The following GSK3B variants were observed in gnomAD, a reference collection of about 807,000 sequenced individuals.
GSK3B encodes the protein glycogen synthase kinase 3 beta.
Under a neutral mutation model 56.4 loss-of-function variants are expected in GSK3B, and 15 were observed. The ratio of observed to expected loss-of-function variants is 0.27; its 90% CI spans 0.18 to 0.41. GSK3B has a LOEUF of 0.41. GSK3B is among the 10% of genes least tolerant of loss of function. The pLI is 1.00. For missense variants in GSK3B, 300 were observed against 513.4 expected, an observed-to-expected ratio of 0.58 and a Z score of 4.02; for synonymous variants, 181 against 188.9, an observed-to-expected ratio of 0.96 and a Z score of 0.34.
chr3:119,951,427 C>T (rs1421215234), intron 2 of GSK3B, among the ~76,000 whole-genome samples: 4 of 152,060 alleles, frequency 2.6e-5, no homozygotes, highest in African/African-American at 9.7e-5. Flanking sequence ...TAAAATTAGC[C>T]GGGCTTGGTG....
intron 3 of GSK3B, among the ~76,000 whole-genome samples, chr3:119,934,188 A>C (rs1037482824): frequency 1.3e-5 from 2 of 152,350 alleles, no homozygotes; most frequent in Middle Eastern, 6.8e-3. Flanking sequence ...TAAAGTATGG[A>C]AAGAGTGGGG....
chr3:119,874,215 C>T (rs1328421681), intron 8 of GSK3B, among the ~76,000 whole-genome samples: 1 of 151,910 alleles, frequency 6.6e-6, no homozygotes, highest in Admixed American at 6.6e-5. Context: ...TACAGTGTCC[C>T]CTCCCTTTTA....
At chr3:119,860,228 C>A (rs1243043387) in intron 9 of GSK3B, among the ~76,000 whole-genome samples, 2 of 152,092 alleles carry the variant, frequency 1.3e-5, no homozygotes, top group African/African-American at 4.8e-5. Flanking sequence ...AAATACTGAT[C>A]CTTATTGGGC....
chr3:120,075,478 T>C (rs1046669178), intron 1 of GSK3B, among the ~76,000 whole-genome samples: 2 of 152,116 alleles, frequency 1.3e-5, no homozygotes, highest in African/African-American at 4.8e-5. Flanking sequence ...ATCCCATATA[T>C]AGAAAACTCC....
At chr3:119,932,993 G>A (rs1171514164) in intron 3 of GSK3B, among the ~76,000 whole-genome samples, 2 of 152,140 alleles carry the variant, frequency 1.3e-5, no homozygotes, top group East Asian at 3.8e-4. Flanking sequence ...AGCTACCCTG[G>A]AGGCTGAGGC....
intron 7 of GSK3B, among the ~76,000 whole-genome samples, chr3:119,898,415 T>C (rs919314599): frequency 3.3e-5 from 5 of 152,122 alleles, no homozygotes; most frequent in South Asian, 2.1e-4. Context: ...ATTACAATGG[T>C]TGAAACAGAA....
intron 9 of GSK3B, among the ~76,000 whole-genome samples, chr3:119,863,078 T>C (rs929579241): frequency 1.3e-5 from 2 of 152,238 alleles, no homozygotes; most frequent in Admixed American, 6.5e-5. Context: ...CAAGAAATGC[T>C]ACTATTTTGT....
intron 1 of GSK3B, among the ~76,000 whole-genome samples, chr3:120,006,054 T>C (rs1313875576): frequency 2.6e-5 from 4 of 151,910 alleles, no homozygotes; most frequent in East Asian, 3.8e-4. Context: ...AAGACACACA[T>C]AGGCTCAAAA....
intron 2 of GSK3B, among the ~76,000 whole-genome samples, chr3:119,968,201 G>A (rs2057337027): frequency 6.6e-6 from 1 of 151,886 alleles, no homozygotes; most frequent in African/African-American, 2.4e-5. Context: ...TCCCTATGTT[G>A]CCCAGGGTGG....
intron 8 of GSK3B, among the ~76,000 whole-genome samples, chr3:119,874,624 A>T (rs1182713406): frequency 1.3e-5 from 2 of 151,952 alleles, no homozygotes; most frequent in Non-Finnish European, 2.9e-5. Context: ...AAACTCTATA[A>T]GGAGGATAAT....
rs61580328 is a variant in GSK3B, at chr3:120,026,512, T to TACACACACACACAC, written c.89-24287_89-24274dup. 6.2e-3 allele frequency among the ~76,000 whole-genome samples: 808 copies of TACACACACACACAC among 130,464 alleles called. 4 individuals carry two copies. Among genetic ancestry groups the TACACACACACACAC allele is most frequent in the Middle Eastern group, 0.012 (3 of 256 alleles). The allele number at this position is 130,464 out of a possible 152,430, so 85.6% of individuals were successfully genotyped here. A position where few individuals can be genotyped will look rare whatever the true frequency, so the allele number is the denominator to read the frequency against. On this transcript the variant is annotated intron_variant, in intron 1 of 10. Coordinates refer to ENST00000264235, the MANE Select transcript of GSK3B (RefSeq NM_001146156.2). ...AAATAAGCAATGCTATACCGCCAAA[T>TACACACACACACAC]ACACACACACACACACACACACACA...
chr3:120,000,714 A>G (rs558143804), intron 2 of GSK3B, among the ~76,000 whole-genome samples: 1 of 151,940 alleles, frequency 6.6e-6, no homozygotes, highest in South Asian at 2.1e-4. Context: ...GCTTCCATGC[A>G]TAGGCTCCCC....
chr3:120,092,189 G>A (rs1001946863), intron 1 of GSK3B, among the ~76,000 whole-genome samples: 9 of 152,110 alleles, frequency 5.9e-5, no homozygotes, highest in Non-Finnish European at 1.3e-4. Flanking sequence ...CATAAATAGA[G>A]ATACACTGGA....
intron 2 of GSK3B, among the ~76,000 whole-genome samples, chr3:119,979,973 T>C (rs1451670501): frequency 6.6e-6 from 1 of 151,978 alleles, no homozygotes; most frequent in Non-Finnish European, 1.5e-5. Flanking sequence ...ATAATCCAAT[T>C]GGGAAATTAG....
At position 119,876,466 on chromosome 3, in the gene GSK3B, G is replaced by C. The variant is rs771909190; in HGVS notation, c.856C>G (p.Pro286Ala). 1 of 1,610,036 alleles carries C rather than the reference G, an allele frequency of 6.2e-7. No homozygotes were observed. The highest frequency in any genetic ancestry group is 8.5e-7 in the Non-Finnish European group (1 of 1,176,614). Residue 286 changes from proline (P) to alanine (A), a missense_variant, in exon 8 of 11, where the codon CCA becomes GCA. This residue lies in a region of GSK3B where 39 missense variants were observed against 154.6 expected (regional missense o/e 0.25). Coordinates refer to ENST00000264235, the MANE Select transcript of GSK3B (RefSeq NM_001146156.2). Reference protein sequence around the residue: ...PTREQIREMNPNYTEFKFPQI... With the variant: ...PTREQIREMNANYTEFKFPQI... Reference sequence around the variant, plus strand: ...GGGAATTTAAATTCTGTGTAGTTTGGGTTCATTTCTCTGATTTGCTCCCTT... The same window carrying C: ...GGGAATTTAAATTCTGTGTAGTTTGCGTTCATTTCTCTGATTTGCTCCCTT...
intron 1 of GSK3B, among the ~76,000 whole-genome samples, chr3:120,020,085 A>G (rs2057863054): frequency 6.6e-6 from 1 of 152,248 alleles, no homozygotes; most frequent in South Asian, 2.1e-4. Flanking sequence ...AGATATGCCT[A>G]AAATATTACA....
chr3:119,936,337 A>AAT lies in GSK3B; in HGVS notation c.366+10929_366+10930dup, dbSNP rs1010834790. Reference sequence around the variant, plus strand: ...TATAAAAATATAAATATATATAAAAAATATATATATATATATATTTTTTTT... The same window carrying AAT: ...TATAAAAATATAAATATATATAAAAAATATATATATATATATATATTTTTTTT... On this transcript the variant is annotated intron_variant, in intron 3 of 10. Transcript: ENST00000264235. Among the ~76,000 whole-genome samples, 351 of 139,130 alleles carry AAT rather than the reference A, an allele frequency of 2.5e-3. 1 individual carries two copies. The Middle Eastern group carries it at 0.026, about 10-fold the overall frequency. The allele number at this position is 139,130 out of a possible 152,430, so 91.3% of individuals were successfully genotyped here.
chr3:119,870,071 A>G (rs980728484), intron 8 of GSK3B, among the ~76,000 whole-genome samples: 1 of 152,204 alleles, frequency 6.6e-6, no homozygotes, highest in Non-Finnish European at 1.5e-5. Context: ...CACCCAGGCT[A>G]TAACAATTCC....
chr3:120,050,266 C>T (rs1346819658), intron 1 of GSK3B, among the ~76,000 whole-genome samples: 1 of 152,224 alleles, frequency 6.6e-6, no homozygotes, highest in East Asian at 1.9e-4. Context: ...TGAAACAAAA[C>T]ATCTCCCACC....
Sources: gnomAD v4.1 joint callset for allele counts (sites outside exome capture counted in the v4.1 genomes callset) on GRCh38, gnomAD v4.1.1 for gene constraint, gnomAD v4.1.1 regional missense constraint, MANE v1.5 for transcripts, NCBI Gene and HGNC (gene_info 2026-07-23, HGNC 2026-07-21) for gene names.